Variants in TRPC4 observed in about 807,000 individuals in gnomAD.
TRPC4 encodes the protein transient receptor potential cation channel subfamily C member 4.
In TRPC4, 49 loss-of-function variants were observed where a neutral mutation model predicts 99.4. The ratio of observed to expected loss-of-function variants is 0.49; its 90% CI spans 0.39 to 0.63. The LOEUF (loss-of-function observed/expected upper bound fraction) is 0.63. Ranked by LOEUF, TRPC4 falls within the 20% of genes least tolerant of loss-of-function variation. TRPC4 has a pLI of 0.00. For synonymous variants in TRPC4, 454 were observed against 425.9 expected (o/e 1.07, Z -0.81); for missense variants, 898 against 1,152.9 (o/e 0.78, Z 3.20).
At chr13:37,791,265 A>G (rs1593752133) in intron 1 of TRPC4, among the ~76,000 whole-genome samples, 2 of 151,990 alleles carry the variant, frequency 1.3e-5, no homozygotes, top group East Asian at 3.9e-4. Flanking sequence ...GCATAGTGGC[A>G]TGCACCTGTA....
intron 8 of TRPC4, among the ~76,000 whole-genome samples, chr13:37,650,164 T>A (rs1223720851): frequency 6.6e-6 from 1 of 152,220 alleles, no homozygotes; most frequent in Non-Finnish European, 1.5e-5. Flanking sequence ...GTGGTAAGGA[T>A]CTCTTAGGGC....
chr13:37,653,743 T>C (rs183124474), intron 7 of TRPC4, among the ~76,000 whole-genome samples: 1 of 152,292 alleles, frequency 6.6e-6, no homozygotes, highest in East Asian at 1.9e-4. Flanking sequence ...TAGTGTTTTC[T>C]CCTTGATGAA....
chr13:37,743,370 C>T (rs1182738828), intron 3 of TRPC4, among the ~76,000 whole-genome samples: 1 of 152,098 alleles, frequency 6.6e-6, no homozygotes, highest in Non-Finnish European at 1.5e-5. Context: ...CCTTCCATTG[C>T]TTTGCTTCTT....
chr13:37,751,779 A>G (rs940974597), intron 2 of TRPC4, among the ~76,000 whole-genome samples: 2 of 151,944 alleles, frequency 1.3e-5, no homozygotes, highest in Non-Finnish European at 2.9e-5. Flanking sequence ...TCATATCCTC[A>G]CAGAGATGAC....
At chr13:37,784,338 G>A (rs1044700037) in intron 1 of TRPC4, among the ~76,000 whole-genome samples, 9 of 152,006 alleles carry the variant, frequency 5.9e-5, no homozygotes, top group African/African-American at 1.9e-4. Context: ...GTTAAAGTAA[G>A]GATATAGTTG....
chr13:37,790,141 A>G (rs912387649), intron 1 of TRPC4, among the ~76,000 whole-genome samples: 1 of 152,158 alleles, frequency 6.6e-6, no homozygotes, highest in African/African-American at 2.4e-5. Flanking sequence ...ATAAAAGTTA[A>G]TAGAAATAGA....
intron 1 of TRPC4, among the ~76,000 whole-genome samples, chr13:37,832,940 T>C (rs1261182702): frequency 6.6e-6 from 1 of 152,172 alleles, no homozygotes; most frequent in Non-Finnish European, 1.5e-5. Context: ...TTTTTATTTA[T>C]CCTACTATGT....
intron 6 of TRPC4, among the ~76,000 whole-genome samples, chr13:37,660,448 T>C (rs9594226): frequency 0.37 from 56,654 of 151,942 alleles, 11,027 homozygotes; most frequent in African/African-American, 0.44. Context: ...TGGATGAAGT[T>C]TGAGTGAGAG....
chr13:37,745,450 A>ATATATGCG (rs1555265671), intron 3 of TRPC4, among the ~76,000 whole-genome samples: 4 of 2,972 alleles, frequency 1.3e-3, no homozygotes, highest in Non-Finnish European at 4.2e-3. Flanking sequence ...ATATATATAT[A>ATATATGCG]TATATATATA....
At chr13:37,802,436 T>C (rs890227324) in intron 1 of TRPC4, among the ~76,000 whole-genome samples, 28 of 152,232 alleles carry the variant, frequency 1.8e-4, no homozygotes, top group African/African-American at 4.8e-4. Context: ...TTGGTACTTT[T>C]GAGGATTACT....
chr13:37,684,584 A>C (rs1953393720), intron 4 of TRPC4, among the ~76,000 whole-genome samples: 1 of 152,114 alleles, frequency 6.6e-6, no homozygotes, highest in Non-Finnish European at 1.5e-5. Context: ...GTAGATAGGA[A>C]GACAAGGAAT....
At chr13:37,829,829 GTAC>G (rs1304745849) in intron 1 of TRPC4, among the ~76,000 whole-genome samples, 1 of 151,940 alleles carries the variant, frequency 6.6e-6, no homozygotes, top group Non-Finnish European at 1.5e-5. Flanking sequence ...GCACTAGTTC[GTAC>G]TACAACACAG....
At chr13:37,767,207 G>C in intron 2 of TRPC4, among the ~76,000 whole-genome samples, 1 of 151,080 alleles carries the variant, frequency 6.6e-6, no homozygotes, top group Admixed American at 6.6e-5. Flanking sequence ...TATAGTCCTT[G>C]AGACAGCACT....
chr13:37,636,995 T>C lies in TRPC4; in HGVS notation c.2842A>G (p.Lys948Glu). Residue 948 changes from lysine to glutamate, a missense_variant, in exon 11 of 11, where the codon AAA (lysine) becomes GAA (glutamate). Coordinates refer to ENST00000379705, the MANE Select transcript of TRPC4 (RefSeq NM_016179.4). ...EDTVPIIPKE[K>E]HAKEEDSSID... ...CTAGAGTCCTCTTCTTTTGCATGTT[T>C]CTCCTTTGGTATTATAGGAACCGTG... The C allele has an allele frequency of 6.2e-7, 1 of 1,613,772 alleles. No homozygotes were observed. Among genetic ancestry groups the C allele is most frequent in the South Asian group, 1.1e-5 (1 of 91,074 alleles).
intron 6 of TRPC4, among the ~76,000 whole-genome samples, chr13:37,661,548 T>C (rs1337086040): frequency 6.6e-6 from 1 of 152,184 alleles, no homozygotes; most frequent in Non-Finnish European, 1.5e-5. Flanking sequence ...CAGAAGGATA[T>C]GGCAACAGGA....
chr13:37,660,074 A>G (rs1303035871), intron 6 of TRPC4, among the ~76,000 whole-genome samples: 1 of 152,236 alleles, frequency 6.6e-6, no homozygotes, highest in East Asian at 1.9e-4. Context: ...AGCCAATTCC[A>G]AAAGCACAGA....
chr13:37,752,417 C>T lies in TRPC4; in HGVS notation c.379-5962G>A, dbSNP rs375220640. On this transcript the variant is annotated intron_variant, in intron 2 of 10. Coordinates refer to ENST00000379705, the MANE Select transcript of TRPC4 (RefSeq NM_016179.4). Reference sequence around the variant, plus strand: ...ACAGGTGACTGCCATTTCTGTAGGGCGAAGCCATTAAATCAGAGTTCCAAG... The same window carrying T: ...ACAGGTGACTGCCATTTCTGTAGGGTGAAGCCATTAAATCAGAGTTCCAAG... 1.2e-4 allele frequency among the ~76,000 whole-genome samples: 18 copies of T among 151,908 alleles called. No individual in the cohort carries two copies. The East Asian group carries it at 2.5e-3, about 21-fold the overall frequency.
At chr13:37,714,436 T>C (rs1366299954) in intron 3 of TRPC4, among the ~76,000 whole-genome samples, 1 of 152,178 alleles carries the variant, frequency 6.6e-6, no homozygotes, top group African/African-American at 2.4e-5. Flanking sequence ...CTATTTCTTA[T>C]CTGACATATT....
At chr13:37,638,813 C>T (rs768335740) in intron 10 of TRPC4, among the ~76,000 whole-genome samples, 24 of 152,134 alleles carry the variant, frequency 1.6e-4, no homozygotes, top group Admixed American at 7.2e-4. Flanking sequence ...TGCCATTAAG[C>T]ACTAGGCTTT....
Sources: allele counts gnomAD v4.1 joint callset (sites outside exome capture counted in the v4.1 genomes callset), GRCh38; gene constraint gnomAD v4.1.1; transcripts MANE v1.5; gene names NCBI Gene and HGNC (gene_info 2026-07-23, HGNC 2026-07-21).